SPSB4: variants seen among roughly 807,000 people sequenced by gnomAD.
SPSB4 encodes SPRY domain-containing SOCS box protein 4.
SPSB4 carries 21 observed loss-of-function variants against 20.9 expected under a neutral mutation model. The ratio of observed to expected loss-of-function variants is 1.01; its 90% CI spans 0.71 to 1.45. The LOEUF (loss-of-function observed/expected upper bound fraction) is 1.45. Among genes scored for constraint, SPSB4 ranks in the 40% most tolerant of loss-of-function variants. The pLI, the probability that SPSB4 is intolerant of heterozygous loss-of-function variation, is 0.00. For missense variants in SPSB4, 399 were observed against 399.2 expected (o/e 1.00, Z 0.00); for synonymous variants, 207 against 183.8 (o/e 1.13, Z -1.02).
At chr3:141,081,948 G>C (rs1372883935) in intron 2 of SPSB4, among the ~76,000 whole-genome samples, 1 of 152,114 alleles carries the variant, frequency 6.6e-6, no homozygotes, top group Non-Finnish European at 1.5e-5. Context: ...TGTCCATCCT[G>C]TCTTTCTGAT....
At chr3:141,062,907 T>C (rs373099011) in intron 1 of SPSB4, among the ~76,000 whole-genome samples, 1 of 149,542 alleles carries the variant, frequency 6.7e-6, no homozygotes, top group Non-Finnish European at 1.5e-5. Flanking sequence ...ATTAATTATG[T>C]AATTTGGTTT....
chr3:141,132,464 C>G (rs1190005279), intron 2 of SPSB4, among the ~76,000 whole-genome samples: 3 of 152,198 alleles, frequency 2.0e-5, no homozygotes, highest in African/African-American at 4.8e-5. Context: ...CCGTACCCAG[C>G]TTTTATGTCG....
rs533090248 is a variant in SPSB4, at chr3:141,148,473, T to C, written c.*1204T>C. On this transcript the variant is annotated 3_prime_UTR_variant, in exon 3 of 3. Coordinates refer to ENST00000310546, the MANE Select transcript of SPSB4 (RefSeq NM_080862.3). The surrounding 1 kb of genome is among the most constrained non-coding windows in gnomAD (Gnocchi z 4.5). ...CTCTCTGCCCAGACTCATTTTTAAC[T>C]GGAAATCATCACAGCAGTGGGATAT... The C allele has an allele frequency of 6.5e-6, 1 of 152,856 alleles. No individual in the cohort carries two copies. The highest frequency in any genetic ancestry group is 1.5e-5 in the Non-Finnish European group (1 of 68,096). 9.5% of individuals were successfully genotyped at this position (152,856 alleles called of 1,614,324 possible).
chr3:141,116,057 A>G (rs1398330068), intron 2 of SPSB4, among the ~76,000 whole-genome samples: 3 of 152,230 alleles, frequency 2.0e-5, no homozygotes, highest in Non-Finnish European at 4.4e-5. Context: ...GGTTTATACT[A>G]TTTAGCAAGA....
intron 2 of SPSB4, among the ~76,000 whole-genome samples, chr3:141,118,755 C>A (rs987937019): frequency 6.6e-6 from 1 of 152,174 alleles, no homozygotes; most frequent in Non-Finnish European, 1.5e-5. Flanking sequence ...GGAATCCTTT[C>A]CTCATTGCTT....
At chr3:141,071,690 C>T (rs904942106) in intron 2 of SPSB4, among the ~76,000 whole-genome samples, 3 of 152,170 alleles carry the variant, frequency 2.0e-5, no homozygotes, top group Non-Finnish European at 2.9e-5. Context: ...TGGCCTGACC[C>T]CACAGAACGG....
At position 141,147,228 on chromosome 3, in the gene SPSB4, C is replaced by G. The variant is rs766061962; in HGVS notation, c.781C>G (p.Pro261Ala). The change falls in exon 3 of 3, where the codon CCC becomes GCC. Residue 261 changes from proline to alanine, a missense_variant. Coordinates refer to ENST00000310546, the MANE Select transcript of SPSB4 (RefSeq NM_080862.3). ...GCGCCTGCAGGACATCAGCTCCCTG[C>G]CCCTGCCTCAGTCTCTCAAAAACTA... ...RQRLQDISSL[P>A]LPQSLKNYLQ... is the part of the protein sequence containing the mutation. 1.9e-6 allele frequency: 3 copies of G among 1,614,240 alleles called. No homozygotes were observed. The highest frequency in any genetic ancestry group is 2.5e-6 in the Non-Finnish European group (3 of 1,180,040).
intron 2 of SPSB4, among the ~76,000 whole-genome samples, chr3:141,119,334 T>G (rs1323847131): frequency 6.6e-6 from 1 of 152,258 alleles, no homozygotes; most frequent in African/African-American, 2.4e-5. Context: ...TTTTGCACAT[T>G]GATTTTGTAT....
intron 2 of SPSB4, among the ~76,000 whole-genome samples, chr3:141,109,728 C>A (rs909546716): frequency 2.0e-5 from 3 of 152,256 alleles, no homozygotes; most frequent in East Asian, 1.9e-4. Context: ...CTCTGCCCCA[C>A]CCTGGTCCCA....
chr3:141,103,118 A>T (rs989523159), intron 2 of SPSB4, among the ~76,000 whole-genome samples: 1 of 152,232 alleles, frequency 6.6e-6, no homozygotes, highest in African/African-American at 2.4e-5. Flanking sequence ...GGGCTTTAGG[A>T]ATCCCAGTGG....
intron 2 of SPSB4, among the ~76,000 whole-genome samples, chr3:141,117,748 A>T (rs1277840836): frequency 1.3e-5 from 2 of 152,192 alleles, no homozygotes; most frequent in Non-Finnish European, 2.9e-5. Context: ...GTGAGAACAT[A>T]CAGTGTTTGG....
At chr3:141,139,372 GC>G in intron 2 of SPSB4, among the ~76,000 whole-genome samples, 1 of 152,220 alleles carries the variant, frequency 6.6e-6, no homozygotes, top group African/African-American at 2.4e-5. Context: ...ATGTGATCCT[GC>G]CATTATGATG....
chr3:141,079,737 A>C (rs981451407), intron 2 of SPSB4, among the ~76,000 whole-genome samples: 2 of 152,260 alleles, frequency 1.3e-5, no homozygotes, highest in African/African-American at 2.4e-5. Context: ...AAATCCAGAT[A>C]TAGAACAAAG....
intron 2 of SPSB4, among the ~76,000 whole-genome samples, chr3:141,092,417 G>A (rs922013713): frequency 3.3e-5 from 5 of 152,290 alleles, no homozygotes; most frequent in East Asian, 3.9e-4. Context: ...TACCATTCTC[G>A]ACTATCAACA....
Position 141,130,289 on chromosome 3 carries a change from G to A in SPSB4, c.695-16853G>A, listed in dbSNP as rs560602178. Among the ~76,000 whole-genome samples the A allele has an allele frequency of 2.0e-5, 3 of 152,330 alleles. 1 individual carries two copies. The South Asian group carries it at 6.2e-4, about 32-fold the overall frequency. On this transcript the variant is annotated intron_variant, in intron 2 of 2. Transcript: ENST00000310546. Reference sequence around the variant, plus strand: ...AGATGAGGCATGTTCCTGGCAGGAAGTACAAGGAATGGTGTTCTAGGAAAA... The same window carrying A: ...AGATGAGGCATGTTCCTGGCAGGAAATACAAGGAATGGTGTTCTAGGAAAA...
At chr3:141,132,577 G>T (rs1003783674) in intron 2 of SPSB4, among the ~76,000 whole-genome samples, 1 of 152,058 alleles carries the variant, frequency 6.6e-6, no homozygotes, top group Non-Finnish European at 1.5e-5. Flanking sequence ...ATAATGGTCT[G>T]CAACTTCATC....
chr3:141,056,782 A>C (rs1937650801), intron 1 of SPSB4, among the ~76,000 whole-genome samples: 1 of 152,162 alleles, frequency 6.6e-6, no homozygotes, highest in African/African-American at 2.4e-5. Flanking sequence ...CAACCTCCAC[A>C]TGTGCCTGGG....
chr3:141,098,699 C>T (rs1349732117), intron 2 of SPSB4, among the ~76,000 whole-genome samples: 1 of 152,036 alleles, frequency 6.6e-6, no homozygotes, highest in Non-Finnish European at 1.5e-5. Flanking sequence ...CTAGGTATAC[C>T]ATCAAATCTT....
At chr3:141,060,464 G>A (rs1423921435) in intron 1 of SPSB4, among the ~76,000 whole-genome samples, 2 of 152,190 alleles carry the variant, frequency 1.3e-5, no homozygotes, top group African/African-American at 4.8e-5. Context: ...GTAACTCTGG[G>A]GTTGATCCCA....
Sources: gnomAD v4.1 joint callset for allele counts (sites outside exome capture counted in the v4.1 genomes callset) on GRCh38, gnomAD v4.1.1 for gene constraint, Gnocchi (gnomAD v3.1) non-coding constraint, MANE v1.5 for transcripts, NCBI Gene and HGNC (gene_info 2026-07-23, HGNC 2026-07-21) for gene names.